WSB1: variants seen among roughly 807,000 people sequenced by gnomAD.
WSB1 encodes the protein WD repeat and SOCS box containing 1, also known as WD repeat and SOCS box-containing protein 1.
WSB1 carries 23 observed loss-of-function variants against 50.2 expected under a neutral mutation model. The ratio of observed to expected loss-of-function variants is 0.46; its 90% CI spans 0.33 to 0.65. WSB1 has a LOEUF of 0.65. Among genes scored for constraint, WSB1 ranks in the 30% least tolerant of loss-of-function variants. The probability of loss-of-function intolerance (pLI) is 0.02; values close to 1 mark genes in which losing one functional copy is unlikely to be tolerated. For synonymous variants in WSB1, 179 were observed against 172.0 expected, an observed-to-expected ratio of 1.04 and a Z score of -0.32; for missense variants, 492 against 522.3, an observed-to-expected ratio of 0.94 and a Z score of 0.56.
At chr17:27,305,121 T>C (rs2017394929) in intron 4 of WSB1, among the ~76,000 whole-genome samples, 1 of 152,226 alleles carries the variant, frequency 6.6e-6, no homozygotes, top group Admixed American at 6.5e-5. Flanking sequence ...TCGAAGTAAA[T>C]GATCTGATAT....
At chr17:27,302,500 A>G (rs758249188) in intron 2 of WSB1, 9 of 42,896 alleles carry the variant, frequency 2.1e-4, no homozygotes, top group African/African-American at 4.4e-4. Context: ...TAACAAGTGT[A>G]TATATATATA....
At chr17:27,304,642 G>A in intron 3 of WSB1, 138 bp from the exon 4 acceptor site, 1 of 691,082 alleles carries the variant, frequency 1.4e-6, no homozygotes, top group Non-Finnish European at 2.2e-6. Context: ...AACCCAGGAG[G>A]TCGAGGCTGT....
chr17:27,309,972 A>G, intron 6 of WSB1, 89 bp from the exon 7 acceptor site: 1 of 976,834 alleles, frequency 1.0e-6, no homozygotes, highest in South Asian at 1.4e-5. Flanking sequence ...TACTTTAAAC[A>G]CTATTCAAAG....
rs144786856 is a variant in WSB1 at position 27,295,381 on chromosome 17, G to T, written c.40+946G>T. Among the ~76,000 whole-genome samples, 1,250 of 152,306 alleles carry T rather than the reference G, an allele frequency of 8.2e-3. 24 individuals are homozygous for T. The highest frequency in any genetic ancestry group is 0.029 in the African/African-American group (1,203 of 41,554). On this transcript the variant is annotated intron_variant, in intron 1 of 8. Transcript: ENST00000262394. ...AGTACAAGGAGGAGTTATTTCTAGA[G>T]AAGGGAAGAGGCTGAAGTAGCCAAA...
In WSB1 at chr17:27,313,475, G is replaced by A. The variant is rs1276688664; in HGVS notation, c.*1106G>A. 1 of 152,262 alleles carries A rather than the reference G, an allele frequency of 6.6e-6. No homozygotes were observed. The highest frequency in any genetic ancestry group is 1.9e-4 in the East Asian group (1 of 5,160). 9.4% of individuals were successfully genotyped at this position (152,262 alleles called of 1,614,324 possible). A position where few individuals can be genotyped will look rare whatever the true frequency, so the allele number is the denominator to read the frequency against. ...AAAAAACTCTGTTTCTGCAGGGGAT[G>A]ATATTGGTGAGTTGCCAAAGAAGCA... On this transcript the variant is annotated 3_prime_UTR_variant, in exon 9 of 9. Transcript: ENST00000262394.
At chr17:27,309,497 T>C (rs1257489706) in intron 6 of WSB1, among the ~76,000 whole-genome samples, 2 of 152,216 alleles carry the variant, frequency 1.3e-5, no homozygotes, top group Non-Finnish European at 2.9e-5. Context: ...CCCAGCTCTC[T>C]ATAGAAGTAC....
At chr17:27,297,371 G>A (rs2017022440) in intron 1 of WSB1, 1 of 151,616 alleles carries the variant, frequency 6.6e-6, no homozygotes, top group Non-Finnish European at 1.5e-5. Context: ...GTTTCACCAT[G>A]TTAGCCAAGC....
chr17:27,307,070 G>T, intron 5 of WSB1, 188 bp downstream of exon 5: 1 of 598,226 alleles, frequency 1.7e-6, no homozygotes, highest in Non-Finnish European at 2.9e-6. Context: ...CAAGTGAGAA[G>T]TTGGATTGTT....
At chr17:27,300,291 A>C (rs2017173294) in intron 1 of WSB1, among the ~76,000 whole-genome samples, 1 of 152,168 alleles carries the variant, frequency 6.6e-6, no homozygotes, top group Non-Finnish European at 1.5e-5. Context: ...AATACATAAA[A>C]ATATATTATT....
At chr17:27,309,010 T>C (rs2017563013) in intron 5 of WSB1, 90 bp from the exon 6 acceptor site, 1 of 1,405,624 alleles carries the variant, frequency 7.1e-7, no homozygotes, top group African/African-American at 1.4e-5. Context: ...TAATATAATC[T>C]TAATTAAATT....
At chr17:27,310,497 A>G (rs2150843137) in intron 7 of WSB1, among the ~76,000 whole-genome samples, 1 of 152,362 alleles carries the variant, frequency 6.6e-6, no homozygotes, top group African/African-American at 2.4e-5. Context: ...AGTGAAACAA[A>G]TAGTAAAACC....
At chr17:27,311,694 C>A in intron 8 of WSB1, 78 bp downstream of exon 8, 2 of 1,024,208 alleles carry the variant, frequency 2.0e-6, no homozygotes, top group Non-Finnish European at 1.3e-6. Flanking sequence ...TACAGTGGTG[C>A]AATCTCTGCT....
At chr17:27,305,930 G>A (rs2017431876) in intron 4 of WSB1, among the ~76,000 whole-genome samples, 1 of 152,172 alleles carries the variant, frequency 6.6e-6, no homozygotes, top group Admixed American at 6.5e-5. Flanking sequence ...AGATAGTGGG[G>A]TCCTTGCCTT....
At chr17:27,296,076 G>A (rs1240030353) in intron 1 of WSB1, among the ~76,000 whole-genome samples, 4 of 151,940 alleles carry the variant, frequency 2.6e-5, no homozygotes, top group African/African-American at 9.7e-5. Context: ...TCAGGTGATC[G>A]CCCACCTCTG....
At chr17:27,309,332 A>G in intron 6 of WSB1, 60 bp downstream of exon 6, 1 of 1,330,246 alleles carries the variant, frequency 7.5e-7, no homozygotes, top group Non-Finnish European at 1.0e-6. Flanking sequence ...AGTTATGTGA[A>G]TAATTACAAT....
chr17:27,307,901 G>T, intron 5 of WSB1: 1 of 1,436,550 alleles, frequency 7.0e-7, no homozygotes, highest in East Asian at 2.6e-5. Flanking sequence ...CGGCTGCAAG[G>T]TGTACTGTAC....
At chr17:27,302,021 G>A (rs2017251711) in intron 2 of WSB1, 65 bp downstream of exon 2, 5 of 1,453,906 alleles carry the variant, frequency 3.4e-6, no homozygotes, top group Admixed American at 2.6e-5. Context: ...TCTCAGTGTA[G>A]GGTAATAAAA....
chr17:27,304,835 T>C lies in WSB1; in HGVS notation c.534T>C (p.Phe178=). 1 of 1,614,138 alleles carries C rather than the reference T, an allele frequency of 6.2e-7. No homozygotes were observed. The highest frequency in any genetic ancestry group is 8.5e-7 in the Non-Finnish European group (1 of 1,179,996). Residue 178 remains phenylalanine, a synonymous_variant, in exon 4 of 9, where the codon TTT becomes TTC. Transcript: ENST00000262394. The part of the protein sequence containing the change: ...DHTEVVRDLT[F]APDGSLILVS... ...CTGAAGTGGTCAGAGATTTAACTTT[T>C]GCTCCAGATGGAAGCTTGATCCTGG...
intron 2 of WSB1, 194 bp downstream of exon 2, chr17:27,302,150 C>A: frequency 1.5e-6 from 1 of 652,900 alleles, no homozygotes. Context: ...GCGGCTCAGG[C>A]CTATAATCCC....
Sources: allele counts gnomAD v4.1 joint callset (sites outside exome capture counted in the v4.1 genomes callset), GRCh38; gene constraint gnomAD v4.1.1; transcripts MANE v1.5; gene names NCBI Gene and HGNC (gene_info 2026-07-23, HGNC 2026-07-21).